The following EXOC6B variants were observed in gnomAD, a reference collection of about 807,000 sequenced individuals.
EXOC6B encodes the protein SEC15 homolog B.
Under a neutral mutation model 113.5 loss-of-function variants are expected in EXOC6B, and 54 were observed. The observed-to-expected ratio is 0.48, with a 90% CI of 0.38 to 0.60. The LOEUF is 0.60. Ranked by LOEUF, EXOC6B falls within the 20% of genes least tolerant of loss-of-function variation. The pLI is 0.00. For missense variants in EXOC6B, 797 were observed against 977.5 expected, an observed-to-expected ratio of 0.82 and a Z score of 2.46; for synonymous variants, 357 against 339.0, an observed-to-expected ratio of 1.05 and a Z score of -0.58.
intron 1 of EXOC6B, among the ~76,000 whole-genome samples, chr2:72,778,993 T>G (rs1471771929): frequency 6.6e-6 from 1 of 152,144 alleles, no homozygotes; most frequent in Non-Finnish European, 1.5e-5. Flanking sequence ...ATATATAGTA[T>G]GTATAGTATA....
chr2:72,254,114 C>G (rs761191706), intron 20 of EXOC6B, among the ~76,000 whole-genome samples: 23 of 150,914 alleles, frequency 1.5e-4, no homozygotes, highest in Non-Finnish European at 3.0e-4. Flanking sequence ...GAGCCGAGAT[C>G]ACACCACTGC....
intron 6 of EXOC6B, among the ~76,000 whole-genome samples, chr2:72,588,434 C>G (rs909741066): frequency 6.6e-6 from 1 of 151,886 alleles, no homozygotes; most frequent in Non-Finnish European, 1.5e-5. Flanking sequence ...AAATTAAAAA[C>G]AAAACTGTAT....
At chr2:72,535,124 C>A (rs12618390) in intron 8 of EXOC6B, among the ~76,000 whole-genome samples, 128,405 of 152,190 alleles carry the variant, frequency 0.84, 54,864 homozygotes, top group East Asian at 0.99. Flanking sequence ...CCTATTTTAA[C>A]ACATACTCTT....
chr2:72,550,416 T>C (rs1049615645), intron 8 of EXOC6B, among the ~76,000 whole-genome samples: 1 of 152,156 alleles, frequency 6.6e-6, no homozygotes, highest in Admixed American at 6.5e-5. Context: ...AAAGTCCCTA[T>C]AGACCTAGAA....
chr2:72,467,444 C>T (rs1180073853), intron 17 of EXOC6B, among the ~76,000 whole-genome samples: 1 of 152,126 alleles, frequency 6.6e-6, no homozygotes, highest in Non-Finnish European at 1.5e-5. Context: ...AATTTACATT[C>T]CCAAGACCAT....
At chr2:72,280,148 T>TA (rs1269389468) in intron 20 of EXOC6B, among the ~76,000 whole-genome samples, 2 of 152,196 alleles carry the variant, frequency 1.3e-5, no homozygotes, top group African/African-American at 2.4e-5. Context: ...TAATTTTTTT[T>TA]ATCATTCTAG....
chr2:72,486,368 C>CAAAAAAA (rs761621153), intron 16 of EXOC6B, among the ~76,000 whole-genome samples: 1 of 117,308 alleles, frequency 8.5e-6, no homozygotes. Flanking sequence ...GACTCCATCT[C>CAAAAAAA]AAAAAAAAAA....
At position 72,441,371 on chromosome 2, in the gene EXOC6B, A is replaced by G. The variant is rs527911832; in HGVS notation, c.1980+23789T>C. 3.6e-3 allele frequency among the ~76,000 whole-genome samples: 545 copies of G among 152,292 alleles called. 3 individuals carry two copies. The highest frequency in any genetic ancestry group is 0.012 in the African/African-American group (494 of 41,560). On this transcript the variant is annotated intron_variant, in intron 18 of 21. Coordinates refer to ENST00000272427, the MANE Select transcript of EXOC6B (RefSeq NM_015189.3). ...AGAGCAAACAAATCCCAAAGCTAGC[A>G]GAAGACAAGGAAAAAACAAAATCAG...
In EXOC6B at chr2:72,318,473, A is replaced by C. The variant is rs1448592686; in HGVS notation, c.2196+16474T>G. On this transcript the variant is annotated intron_variant, in intron 20 of 21. Transcript: ENST00000272427. Reference sequence around the variant, plus strand: ...CAATGGTGCGATCTCGGCCCACTGCAATCTCCGCCTCCTGGGTTCAAGCAA... The same window carrying C: ...CAATGGTGCGATCTCGGCCCACTGCCATCTCCGCCTCCTGGGTTCAAGCAA... Among the ~76,000 whole-genome samples, 6 of 151,610 alleles carry C rather than the reference A, an allele frequency of 4.0e-5. No homozygotes were observed. In the East Asian group the frequency reaches 9.7e-4, roughly 25 times the overall value.
intron 18 of EXOC6B, among the ~76,000 whole-genome samples, chr2:72,400,868 TA>T (rs1483829386): frequency 6.6e-6 from 1 of 151,928 alleles, no homozygotes; most frequent in Non-Finnish European, 1.5e-5. Flanking sequence ...ATAGCCTATA[TA>T]AAAGACAGCA....
At chr2:72,305,601 T>G (rs978250856) in intron 20 of EXOC6B, among the ~76,000 whole-genome samples, 9 of 152,108 alleles carry the variant, frequency 5.9e-5, no homozygotes, top group Non-Finnish European at 8.8e-5. Flanking sequence ...ACCTATAAGA[T>G]CTAATATGAT....
At chr2:72,411,217 A>G (rs929703101) in intron 18 of EXOC6B, among the ~76,000 whole-genome samples, 4 of 152,152 alleles carry the variant, frequency 2.6e-5, no homozygotes, top group Non-Finnish European at 5.9e-5. Context: ...GCCTCAAAAA[A>G]CAAATAAACA....
chr2:72,485,068 A>G lies in EXOC6B; in HGVS notation c.1666-4318T>C, dbSNP rs533547388. Among the ~76,000 whole-genome samples, 305 of 152,316 alleles carry G rather than the reference A, an allele frequency of 2.0e-3. 2 individuals are homozygous for G. The highest frequency in any genetic ancestry group is 3.4e-3 in the Middle Eastern group (1 of 294). On this transcript the variant is annotated intron_variant, in intron 16 of 21. Transcript: ENST00000272427. ...TACTGTCTTCCACAATGGGTGAACTAATTTACATTCCCAGCAACGGTGTAA... is the reference window on the plus strand; with the variant it reads ...TACTGTCTTCCACAATGGGTGAACTGATTTACATTCCCAGCAACGGTGTAA...
chr2:72,374,437 C>T (rs748679675), intron 19 of EXOC6B, among the ~76,000 whole-genome samples: 1 of 152,012 alleles, frequency 6.6e-6, no homozygotes, highest in African/African-American at 2.4e-5. Context: ...AGTGTTAAAC[C>T]AGGCACAGAA....
intron 6 of EXOC6B, among the ~76,000 whole-genome samples, chr2:72,608,640 C>G (rs758203957): frequency 2.6e-5 from 4 of 151,916 alleles, no homozygotes; most frequent in Non-Finnish European, 5.9e-5. Flanking sequence ...CAGCAACTCA[C>G]GTCAAAGCTG....
intron 1 of EXOC6B, among the ~76,000 whole-genome samples, chr2:72,809,632 T>C (rs759781264): frequency 2.5e-4 from 38 of 150,362 alleles, no homozygotes; most frequent in Admixed American, 7.9e-4. Flanking sequence ...AAAGTTTCGG[T>C]TTTTTGAAAA....
chr2:72,685,735 A>C (rs1573620724), intron 6 of EXOC6B, among the ~76,000 whole-genome samples: 2 of 152,328 alleles, frequency 1.3e-5, no homozygotes, highest in South Asian at 4.1e-4. Context: ...GGAAGACATT[A>C]AAGTATTCGC....
At chr2:72,772,404 C>T (rs956796432) in intron 1 of EXOC6B, among the ~76,000 whole-genome samples, 3 of 152,140 alleles carry the variant, frequency 2.0e-5, no homozygotes, top group African/African-American at 7.2e-5. Context: ...GAACCTGGTG[C>T]CAGGCAAGTC....
intron 7 of EXOC6B, among the ~76,000 whole-genome samples, chr2:72,572,142 T>TA (rs528555808): frequency 5.2e-4 from 79 of 151,906 alleles, no homozygotes; most frequent in Non-Finnish European, 7.4e-4. Context: ...AAATCATATT[T>TA]AAAAAAAACA....
Sources: allele counts gnomAD v4.1 joint callset (sites outside exome capture counted in the v4.1 genomes callset), GRCh38; gene constraint gnomAD v4.1.1; transcripts MANE v1.5; gene names NCBI Gene and HGNC (gene_info 2026-07-23, HGNC 2026-07-21).